The following CAPS variants were observed in gnomAD, a reference collection of about 807,000 sequenced individuals.
CAPS encodes the protein calcyphosin.
A neutral mutation model predicts 15.5 loss-of-function variants in CAPS; 16 were observed. The ratio of observed to expected loss-of-function variants is 1.03; its 90% CI spans 0.70 to 1.57. CAPS has a LOEUF of 1.57. Among genes scored for constraint, CAPS ranks in the 40% most tolerant of loss-of-function variants. The probability of loss-of-function intolerance (pLI) is 0.00; values close to 1 mark genes in which losing one functional copy is unlikely to be tolerated. For synonymous variants in CAPS, 121 were observed against 116.0 expected, an observed-to-expected ratio of 1.04 and a Z score of -0.28; for missense variants, 294 against 278.4, an observed-to-expected ratio of 1.06 and a Z score of -0.40.
chr19:5,915,195 GC>G, intron 4 of CAPS, 25 bp from the exon 5 acceptor site: 1 of 1,611,280 alleles, frequency 6.2e-7, no homozygotes, highest in Non-Finnish European at 8.5e-7. Context: ...CCTCGGCCGT[GC>G]CCCCTCACGG....
rs2057726590 is a variant in CAPS, at chr19:5,915,519, A to G, written c.*197A>G. The G allele has an allele frequency of 3.5e-6, 2 of 574,376 alleles. No homozygotes were observed. Among genetic ancestry groups the G allele is most frequent in the South Asian group, 2.2e-5 (1 of 46,280 alleles). The allele number at this position is 574,376 out of a possible 1,614,324, so 35.6% of individuals were successfully genotyped here. ...GCGGAGGTGGGACAAAGGTCCTAACAGGAGTCACTGGCTCAGGACCCCAGG... is the reference window on the plus strand; with the variant it reads ...GCGGAGGTGGGACAAAGGTCCTAACGGGAGTCACTGGCTCAGGACCCCAGG... On this transcript the variant is annotated 3_prime_UTR_variant, in exon 5 of 5. Coordinates refer to ENST00000588776, the MANE Select transcript of CAPS (RefSeq NM_004058.5).
rs1054512352 is a variant in CAPS, at chr19:5,915,448, T to C, written c.*126T>C. The C allele has an allele frequency of 1.0e-5, 7 of 700,094 alleles. No homozygotes were observed. Among genetic ancestry groups the C allele is most frequent in the African/African-American group, 1.8e-5 (1 of 55,814 alleles). 43.4% of individuals were successfully genotyped at this position (700,094 alleles called of 1,614,324 possible). On this transcript the variant is annotated 3_prime_UTR_variant, in exon 5 of 5. Coordinates refer to ENST00000588776, the MANE Select transcript of CAPS (RefSeq NM_004058.5). ...GAGCGGGGAGGGGCAGGTGGGGGAA[T>C]GGAGGCTGCAGGACTGGCTAGACCA... is the stretch of plus-strand genomic sequence containing the variant.
chr19:5,915,009 G>A lies in CAPS; in HGVS notation c.331G>A (p.Gly111Ser), dbSNP rs746659594. The change falls in exon 4 of 5, where the codon GGC (glycine) becomes AGC (serine). Residue 111 changes from glycine (G) to serine (S), a missense_variant. Coordinates refer to ENST00000588776, the MANE Select transcript of CAPS (RefSeq NM_004058.5). Reference protein sequence around the residue: ...AFAKLDRSGDGVVTVDDLRGV... With the variant: ...AFAKLDRSGDSVVTVDDLRGV... ...TGCCAAGCTGGACCGCAGTGGGGAC[G>A]GCGTCGTGACGGTGGACGACCTCCG... 10 of 1,611,764 alleles carry A rather than the reference G, an allele frequency of 6.2e-6. No individual in the cohort carries two copies. Among genetic ancestry groups the A allele is most frequent in the East Asian group, 4.5e-5 (2 of 44,876 alleles).
intron 1 of CAPS, 26 bp downstream of exon 1, chr19:5,914,335 G>A (rs776865882): frequency 7.4e-6 from 12 of 1,612,712 alleles, no homozygotes; most frequent in South Asian, 6.6e-5. Flanking sequence ...AGGGGCAGTC[G>A]GCCAGGGTGG....
intron 3 of CAPS, 41 bp downstream of exon 3, chr19:5,914,781 TG>T (rs2057717163): frequency 6.3e-7 from 1 of 1,580,788 alleles, no homozygotes; most frequent in African/African-American, 1.3e-5. Flanking sequence ...GCCCTGGGCA[TG>T]GGGCGACAGA....
In CAPS at chr19:5,914,954, GGCCCGGGA is replaced by G; in HGVS notation, c.278_285del (p.Ala93GlyfsTer57). ...TCCTGTCCCAGCCCCCCATGTCCCA[GGCCCGGGA>G]GGCTGTCATCGCAGCTGCATTTGCC... On this transcript the variant is annotated frameshift_variant, in exon 4 of 5. Transcript: ENST00000588776. LOFTEE classifies it high-confidence loss of function. 6.2e-7 allele frequency: 1 copy of G among 1,605,640 alleles called. No homozygotes were observed. Among genetic ancestry groups the G allele is most frequent in the Non-Finnish European group, 8.5e-7 (1 of 1,179,616 alleles).
chr19:5,915,156 T>C lies in CAPS; in HGVS notation c.468+10T>C. The C allele has an allele frequency of 1.2e-6, 2 of 1,612,594 alleles. No individual in the cohort carries two copies. The highest frequency in any genetic ancestry group is 1.7e-6 in the Non-Finnish European group (2 of 1,179,582). On this transcript the variant is annotated intron_variant, in intron 4 of 4. Transcript: ENST00000588776. Reference sequence around the variant, plus strand: ...TGAGAAGGACGGGCAGGTGGGTGGCTGCGCGGGGGGCCCCCTCCCCAGGCA... The same window carrying C: ...TGAGAAGGACGGGCAGGTGGGTGGCCGCGCGGGGGGCCCCCTCCCCAGGCA...
At position 5,914,964 on chromosome 19, in the gene CAPS, G is replaced by A; in HGVS notation, c.286G>A (p.Ala96Thr). The A allele has an allele frequency of 5.0e-6, 8 of 1,607,686 alleles. No individual in the cohort carries two copies. Among genetic ancestry groups the A allele is most frequent in the African/African-American group, 1.3e-5 (1 of 75,054 alleles). Residue 96 changes from alanine to threonine, a missense_variant, in exon 4 of 5, where the codon GCT becomes ACT. Coordinates refer to ENST00000588776, the MANE Select transcript of CAPS (RefSeq NM_004058.5). ...LRPPMSQARE[A>T]VIAAAFAKLD... The stretch of plus-strand genomic sequence containing the variant: ...GCCCCCCATGTCCCAGGCCCGGGAG[G>A]CTGTCATCGCAGCTGCATTTGCCAA...
In CAPS at chr19:5,914,678, A is replaced by AG; in HGVS notation, c.201dup (p.Lys68GlufsTer85). On this transcript the variant is annotated frameshift_variant, in exon 3 of 5. Transcript: ENST00000588776. LOFTEE classifies it high-confidence loss of function. ...CCAGGCGGAGGCAGAGGGTGTGTGC[A>AG]GGAAGTGGGACCGCAATGGCAGCGG... 1 of 1,614,030 alleles carries AG rather than the reference A, an allele frequency of 6.2e-7. No individual in the cohort carries two copies. Among genetic ancestry groups the AG allele is most frequent in the Non-Finnish European group, 8.5e-7 (1 of 1,180,010 alleles).
Position 5,915,439 on chromosome 19 carries a change from G to GT in CAPS, c.*118dup. On this transcript the variant is annotated 3_prime_UTR_variant, in exon 5 of 5. Transcript: ENST00000588776. ...CACACCACAGAGCGGGGAGGGGCAGGTGGGGGAATGGAGGCTGCAGGACTG... is the reference window on the plus strand; with the variant it reads ...CACACCACAGAGCGGGGAGGGGCAGGTTGGGGGAATGGAGGCTGCAGGACTG... 1.4e-6 allele frequency: 1 copy of GT among 731,360 alleles called. No homozygotes were observed. Among genetic ancestry groups the GT allele is most frequent in the Non-Finnish European group, 2.2e-6 (1 of 450,752 alleles). 45.3% of individuals were successfully genotyped at this position (731,360 alleles called of 1,614,324 possible).
Position 5,915,257 on chromosome 19 carries a change from G to A in CAPS, c.505G>A (p.Val169Met), listed in dbSNP as rs367590385. 24 of 1,612,948 alleles carry A rather than the reference G, an allele frequency of 1.5e-5. No individual in the cohort carries two copies. The highest frequency in any genetic ancestry group is 8.3e-5 in the Admixed American group (5 of 59,978). Residue 169 changes from valine (V) to methionine (M), a missense_variant, in exon 5 of 5, where the codon GTG (valine) becomes ATG (methionine). Coordinates refer to ENST00000588776, the MANE Select transcript of CAPS (RefSeq NM_004058.5). ...LAEFQDYYSG[V>M]SASMNTDEEF... ...GGAATTCCAGGACTACTACAGCGGC[G>A]TGAGTGCCTCCATGAACACGGATGA...
Position 5,914,739 on chromosome 19 carries a change from G to A in CAPS, c.260G>A (p.Arg87Gln), listed in dbSNP as rs754414584. The change falls in exon 3 of 5, where the codon CGG becomes CAG. Residue 87 changes from arginine (R) to glutamine (Q), a missense_variant and splice_region_variant. By Grantham distance (43) the Arg-to-Gln change is conservative. Coordinates refer to ENST00000588776, the MANE Select transcript of CAPS (RefSeq NM_004058.5). ...LDLEEFLRAL[R>Q]PPMSQAREAV... ...CTGGAGGAGTTCCTTCGGGCGCTGCGGGTGAGCCCCCACCTCACAGTCAAG... is the reference window on the plus strand; with the variant it reads ...CTGGAGGAGTTCCTTCGGGCGCTGCAGGTGAGCCCCCACCTCACAGTCAAG... The A allele has an allele frequency of 8.7e-6, 14 of 1,606,232 alleles. No individual in the cohort carries two copies. The highest frequency in any genetic ancestry group is 4.5e-5 in the South Asian group (4 of 89,872).
rs779308733 is a variant in CAPS, at chr19:5,915,074, T to C, written c.396T>C (p.Ser132=). 2 of 1,613,090 alleles carry C rather than the reference T, an allele frequency of 1.2e-6. No homozygotes were observed. The highest frequency in any genetic ancestry group is 2.2e-5 in the South Asian group (2 of 91,070). ...YSGRAHPKVR[S]GEWTEDEVLR... is the part of the protein sequence containing the mutation. ...GCCGTGCCCACCCCAAGGTGCGCAG[T>C]GGGGAGTGGACCGAGGACGAGGTGC... The change falls in exon 4 of 5, where the codon AGT becomes AGC. Residue 132 remains serine, a synonymous_variant. Transcript: ENST00000588776.
Position 5,915,161 on chromosome 19 carries a change from G to C in CAPS, c.468+15G>C, listed in dbSNP as rs774366755. The C allele has an allele frequency of 2.5e-6, 4 of 1,611,258 alleles. No homozygotes were observed. Among genetic ancestry groups the C allele is most frequent in the Non-Finnish European group, 3.4e-6 (4 of 1,178,876 alleles). Reference sequence around the variant, plus strand: ...AGGACGGGCAGGTGGGTGGCTGCGCGGGGGGCCCCCTCCCCAGGCAGTTCC... The same window carrying C: ...AGGACGGGCAGGTGGGTGGCTGCGCCGGGGGCCCCCTCCCCAGGCAGTTCC... On this transcript the variant is annotated intron_variant, in intron 4 of 4. Transcript: ENST00000588776.
At position 5,915,629 on chromosome 19, in the gene CAPS, G is replaced by A. The variant is rs1599707433; in HGVS notation, c.*307G>A. On this transcript the variant is annotated 3_prime_UTR_variant, in exon 5 of 5. Transcript: ENST00000588776. The stretch of plus-strand genomic sequence containing the variant: ...CCCCCGCCGAGGTCCCCCGATCCCC[G>A]CACCCGGACTGCTGCTCCCTGCCCC... 3 of 317,474 alleles carry A rather than the reference G, an allele frequency of 9.4e-6. No homozygotes were observed. The highest frequency in any genetic ancestry group is 2.1e-5 in the African/African-American group (1 of 47,504). The allele number at this position is 317,474 out of a possible 1,614,324, so 19.7% of individuals were successfully genotyped here.
At position 5,914,480 on chromosome 19, in the gene CAPS, G is replaced by T. The variant is rs2057712507; in HGVS notation, c.74G>T (p.Gly25Val). ...TCCCGCGGGGCCTCGGGCATCCAGGGCCTGGCCAGGTGAGCTGTCCCCTCT... is the reference window on the plus strand; with the variant it reads ...TCCCGCGGGGCCTCGGGCATCCAGGTCCTGGCCAGGTGAGCTGTCCCCTCT... ...CLSRGASGIQGLARFFRQLDR... is the reference protein window; with the variant it reads ...CLSRGASGIQVLARFFRQLDR... The change falls in exon 2 of 5, where the codon GGC becomes GTC. Residue 25 changes from glycine (G) to valine (V), a missense_variant. By Grantham distance (109) the Gly-to-Val change is moderately radical. Coordinates refer to ENST00000588776, the MANE Select transcript of CAPS (RefSeq NM_004058.5). 6.2e-7 allele frequency: 1 copy of T among 1,611,340 alleles called. No homozygotes were observed. Among genetic ancestry groups the T allele is most frequent in the African/African-American group, 1.3e-5 (1 of 74,890 alleles).
In CAPS at chr19:5,915,240, AG is replaced by A. The variant is rs780428446; in HGVS notation, c.490del (p.Asp164ThrfsTer6). On this transcript the variant is annotated frameshift_variant, in exon 5 of 5. Transcript: ENST00000588776. LOFTEE classifies it high-confidence loss of function. ...KDGQVTLAEF[Q>X]DYYSGVSASM... ...TCCCAGGTCACACTGGCGGAATTCC[AG>A]GACTACTACAGCGGCGTGAGTGCCT... is the stretch of plus-strand genomic sequence containing the variant. 1.4e-5 allele frequency: 23 copies of A among 1,613,022 alleles called. No homozygotes were observed. Among genetic ancestry groups the A allele is most frequent in the Non-Finnish European group, 1.9e-5 (23 of 1,179,804 alleles).
In CAPS at chr19:5,914,280, A is replaced by C. The variant is rs565082357; in HGVS notation, c.-52A>C. 2 of 1,579,000 alleles carry C rather than the reference A, an allele frequency of 1.3e-6. No individual in the cohort carries two copies. Among genetic ancestry groups the C allele is most frequent in the African/African-American group, 2.7e-5 (2 of 73,924 alleles). On this transcript the variant is annotated 5_prime_UTR_variant, in exon 1 of 5. Coordinates refer to ENST00000588776, the MANE Select transcript of CAPS (RefSeq NM_004058.5). Reference sequence around the variant, plus strand: ...CAACACAGCTAACACAAGGCCCCGCAGGCAGGACTCTGGGACAGACGCAGG... The same window carrying C: ...CAACACAGCTAACACAAGGCCCCGCCGGCAGGACTCTGGGACAGACGCAGG...
At position 5,915,363 on chromosome 19, in the gene CAPS, C is replaced by A; in HGVS notation, c.*41C>A. On this transcript the variant is annotated 3_prime_UTR_variant, in exon 5 of 5. Transcript: ENST00000588776. ...CCCTGCTGCCCTGGCCTGTCACTCC[C>A]CACCCCTGCCGGAGACCTCCCTTCC... is the stretch of plus-strand genomic sequence containing the variant. The A allele has an allele frequency of 7.0e-7, 1 of 1,438,672 alleles. No individual in the cohort carries two copies. The highest frequency in any genetic ancestry group is 9.5e-7 in the Non-Finnish European group (1 of 1,051,144). 89.1% of individuals were successfully genotyped at this position (1,438,672 alleles called of 1,614,324 possible).
Sources: gnomAD v4.1 joint callset for allele counts on GRCh38, gnomAD v4.1.1 for gene constraint, MANE v1.5 for transcripts, NCBI Gene and HGNC (gene_info 2026-07-23, HGNC 2026-07-21) for gene names.